Variants in PLXDC1 observed in about 807,000 individuals in gnomAD.
PLXDC1 encodes the protein plexin domain containing 1.
A neutral mutation model predicts 61.3 loss-of-function variants in PLXDC1; 39 were observed. The ratio of observed to expected loss-of-function variants is 0.64; its 90% CI spans 0.49 to 0.83. The LOEUF is 0.83. Among genes scored for constraint, PLXDC1 ranks in the 40% least tolerant of loss-of-function variants. The pLI is 0.00. For missense variants in PLXDC1, 596 were observed against 666.5 expected (o/e 0.89, Z 1.17); for synonymous variants, 212 against 254.5 (o/e 0.83, Z 1.59).
Position 39,101,882 on chromosome 17 carries a change from C to T in PLXDC1, c.811+3972G>A, listed in dbSNP as rs118107947. ...AAGGGTGTCTAGCGGCTGGCCCTAC[C>T]GAGAGGTGGTATGCTTCGGGGAGCA... On this transcript the variant is annotated intron_variant, in intron 7 of 13. Coordinates refer to ENST00000315392, the MANE Select transcript of PLXDC1 (RefSeq NM_020405.5). Among the ~76,000 whole-genome samples the T allele has an allele frequency of 1.7e-3, 255 of 152,194 alleles. 4 individuals carry two copies. The East Asian group carries it at 0.034, about 20-fold the overall frequency.
intron 11 of PLXDC1, among the ~76,000 whole-genome samples, chr17:39,076,402 T>C (rs554634542): frequency 1.3e-5 from 2 of 151,428 alleles, no homozygotes; most frequent in African/African-American, 4.9e-5. Flanking sequence ...TCCGAGCTGC[T>C]TGGGAGGCTG....
At chr17:39,095,388 A>AC (rs1910145677) in intron 7 of PLXDC1, among the ~76,000 whole-genome samples, 2 of 7,118 alleles carry the variant, frequency 2.8e-4, no homozygotes, top group Non-Finnish European at 6.6e-4. Flanking sequence ...CCAACCCCCC[A>AC]AGCCTGGGTT....
rs149904147 is a variant in PLXDC1 at position 39,144,013 on chromosome 17, C to T, written c.77-4181G>A. Among the ~76,000 whole-genome samples the T allele has an allele frequency of 8.2e-3, 1,254 of 152,290 alleles. 15 individuals carry two copies. The highest frequency in any genetic ancestry group is 0.028 in the African/African-American group (1,177 of 41,550). On this transcript the variant is annotated intron_variant, in intron 1 of 13. Transcript: ENST00000315392. ...GGGCAGGAGCCAGAACAGGATAGAGCGGGTAGTGAACAAGTGGAGGGGCTC... is the reference window on the plus strand; with the variant it reads ...GGGCAGGAGCCAGAACAGGATAGAGTGGGTAGTGAACAAGTGGAGGGGCTC...
chr17:39,128,566 T>A (rs1334526328), intron 2 of PLXDC1, among the ~76,000 whole-genome samples: 2 of 151,942 alleles, frequency 1.3e-5, no homozygotes, highest in Non-Finnish European at 2.9e-5. Context: ...GGCGAGGATG[T>A]AGAGAAATCG....
chr17:39,089,828 C>T (rs577434043), intron 7 of PLXDC1, among the ~76,000 whole-genome samples: 23 of 152,208 alleles, frequency 1.5e-4, no homozygotes, highest in Non-Finnish European at 2.8e-4. Flanking sequence ...GACTGAGTCT[C>T]GCTCTGTCAC....
intron 2 of PLXDC1, among the ~76,000 whole-genome samples, chr17:39,131,008 C>T (rs1332335202): frequency 6.6e-6 from 1 of 152,144 alleles, no homozygotes; most frequent in East Asian, 1.9e-4. Context: ...CCACCTGGGG[C>T]TGAGTAGCCG....
chr17:39,079,584 A>G (rs891434280), intron 9 of PLXDC1: 43 of 456,422 alleles, frequency 9.4e-5, no homozygotes, highest in Middle Eastern at 6.5e-4. Flanking sequence ...CTTAGTCAAC[A>G]CCTCCCCATG....
chr17:39,091,347 T>C (rs547578294), intron 7 of PLXDC1, among the ~76,000 whole-genome samples: 5 of 152,106 alleles, frequency 3.3e-5, no homozygotes, highest in Admixed American at 6.5e-5. Flanking sequence ...GGAGAGGCAG[T>C]GGAGAGGACT....
chr17:39,098,408 A>G lies in PLXDC1; in HGVS notation c.811+7446T>C, dbSNP rs377476883. 1.6e-4 allele frequency among the ~76,000 whole-genome samples: 24 copies of G among 152,188 alleles called. No individual in the cohort carries two copies. The East Asian group carries it at 2.1e-3, about 13-fold the overall frequency. The stretch of plus-strand genomic sequence containing the variant: ...TAGAGCAGAGGACAAGGTCTATGCT[A>G]TGTCCATTCCCTTCAGCGGTGCCCT... On this transcript the variant is annotated intron_variant, in intron 7 of 13. Coordinates refer to ENST00000315392, the MANE Select transcript of PLXDC1 (RefSeq NM_020405.5).
chr17:39,084,817 G>C (rs1283423187), intron 8 of PLXDC1, among the ~76,000 whole-genome samples: 2 of 152,248 alleles, frequency 1.3e-5, no homozygotes, highest in Non-Finnish European at 2.9e-5. Context: ...CACAGGAGCA[G>C]CAGGGCAGGG....
chr17:39,135,340 C>A (rs541282228), intron 2 of PLXDC1, among the ~76,000 whole-genome samples: 1 of 152,320 alleles, frequency 6.6e-6, no homozygotes, highest in South Asian at 2.1e-4. Flanking sequence ...TTCTGACAAT[C>A]GAGCGGGTCA....
At chr17:39,079,714 T>G (rs1909481643) in intron 9 of PLXDC1, 1 of 367,934 alleles carries the variant, frequency 2.7e-6, no homozygotes, top group Non-Finnish European at 5.4e-6. Context: ...CAAGCGCCCC[T>G]GTAGGGAAAG....
At chr17:39,072,201 G>A (rs965450870) in intron 12 of PLXDC1, 1 of 549,354 alleles carries the variant, frequency 1.8e-6, no homozygotes, top group African/African-American at 1.9e-5. Context: ...CAGAGAGCCA[G>A]GAGAAGAACC....
rs750384211 is a variant in PLXDC1, at chr17:39,067,944, A to G, written c.1399T>C (p.Trp467Arg). The change falls in exon 14 of 14, where the codon TGG becomes CGG. Residue 467 changes from tryptophan (W) to arginine (R), a missense_variant. Transcript: ENST00000315392. ...TGGCTGCGAAACTTCATGGCTGGCC[A>G]GTGGTGAGGTCTACGCTGCAGAAGG... ...LFFIERRPHH[W>R]PAMKFRSHPD... The G allele has an allele frequency of 6.2e-7, 1 of 1,614,012 alleles. No individual in the cohort carries two copies. Among genetic ancestry groups the G allele is most frequent in the Non-Finnish European group, 8.5e-7 (1 of 1,179,980 alleles).
chr17:39,148,112 A>G (rs959008379), intron 1 of PLXDC1, among the ~76,000 whole-genome samples: 2 of 151,860 alleles, frequency 1.3e-5, no homozygotes, highest in African/African-American at 4.8e-5. Flanking sequence ...AGAGCTAGAG[A>G]AGATGGTGGG....
At position 39,064,497 on chromosome 17, in the gene PLXDC1, A is replaced by T. The variant is rs989968024; in HGVS notation, c.*3343T>A. On this transcript the variant is annotated 3_prime_UTR_variant, in exon 14 of 14. Coordinates refer to ENST00000315392, the MANE Select transcript of PLXDC1 (RefSeq NM_020405.5). ...GCTTCTCCCCAGAGTAAAAAATGGCAGCAAATAAATGTTAGATCACAGCCT... is the reference window on the plus strand; with the variant it reads ...GCTTCTCCCCAGAGTAAAAAATGGCTGCAAATAAATGTTAGATCACAGCCT... 2.6e-5 allele frequency: 4 copies of T among 152,212 alleles called. No individual in the cohort carries two copies. The highest frequency in any genetic ancestry group is 5.9e-5 in the Non-Finnish European group (4 of 68,046). The allele number at this position is 152,212 out of a possible 1,614,324, so 9.4% of individuals were successfully genotyped here. A position where few individuals can be genotyped will look rare whatever the true frequency, so the allele number is the denominator to read the frequency against.
chr17:39,089,142 C>T (rs532769733), intron 7 of PLXDC1, among the ~76,000 whole-genome samples: 2 of 152,154 alleles, frequency 1.3e-5, no homozygotes, highest in Non-Finnish European at 1.5e-5. Context: ...CGCCCAACAC[C>T]CTTTCGTCTT....
chr17:39,079,216 TC>T, intron 9 of PLXDC1, 52 bp from the exon 10 acceptor site: 1 of 1,496,232 alleles, frequency 6.7e-7, no homozygotes, highest in Non-Finnish European at 9.3e-7. Context: ...AAAGAAGCCT[TC>T]CCCTTTCACT....
In PLXDC1 at chr17:39,151,095, C is replaced by T. The variant is rs970080326; in HGVS notation, c.76+267G>A. On this transcript the variant is annotated intron_variant, in intron 1 of 13. Coordinates refer to ENST00000315392, the MANE Select transcript of PLXDC1 (RefSeq NM_020405.5). This position sits in a 1 kb window ranked among gnomAD's most constrained non-coding sequence, Gnocchi z 5.2. ...TTTCAGAGCCCATGGCCACATAGAG[C>T]CCCCTCTCCTAAGGTCCCTCCAGTA... 1.3e-5 allele frequency among the ~76,000 whole-genome samples: 2 copies of T among 152,184 alleles called. No individual in the cohort carries two copies. Among genetic ancestry groups the T allele is most frequent in the Admixed American group, 6.5e-5 (1 of 15,284 alleles).
Sources: gnomAD v4.1 joint callset for allele counts (sites outside exome capture counted in the v4.1 genomes callset) on GRCh38, gnomAD v4.1.1 for gene constraint, Gnocchi (gnomAD v3.1) non-coding constraint, MANE v1.5 for transcripts, NCBI Gene and HGNC (gene_info 2026-07-23, HGNC 2026-07-21) for gene names.